SLC28A1: variants seen among roughly 807,000 people sequenced by gnomAD.
SLC28A1 encodes sodium/nucleoside cotransporter 1.
In SLC28A1, 64 loss-of-function variants were observed where a neutral mutation model predicts 74.8. The ratio of observed to expected loss-of-function variants is 0.86; its 90% CI spans 0.70 to 1.05. The LOEUF is 1.05. SLC28A1 is among the 50% of genes least tolerant of loss of function. The pLI is 0.00. For missense variants in SLC28A1, 828 were observed against 822.8 expected (o/e 1.01, Z -0.08); for synonymous variants, 359 against 335.0 (o/e 1.07, Z -0.78).
the SLC28A1 span, among the ~76,000 whole-genome samples, chr15:84,974,297 C>T: frequency 6.6e-6 from 1 of 152,148 alleles, no homozygotes; most frequent in African/African-American, 2.4e-5. Flanking sequence ...ATGTTTGGCT[C>T]CTCAGTTTCC....
At chr15:84,936,859 C>T (rs1004321794) in intron 15 of SLC28A1, among the ~76,000 whole-genome samples, 1 of 152,020 alleles carries the variant, frequency 6.6e-6, no homozygotes, top group African/African-American at 2.4e-5. Context: ...TCAAGACTAG[C>T]CTGGGCAACA....
intron 12 of SLC28A1, chr15:84,926,412 A>C: frequency 3.5e-6 from 1 of 284,390 alleles, no homozygotes; most frequent in Non-Finnish European, 6.8e-6. Context: ...TATGTTGCTC[A>C]GGCTGGTCTT....
intron 12 of SLC28A1, among the ~76,000 whole-genome samples, chr15:84,931,690 A>G (rs1227132736): frequency 6.7e-6 from 1 of 148,664 alleles, no homozygotes; most frequent in Admixed American, 6.8e-5. Flanking sequence ...AAAGAAAAGA[A>G]AGATACCAAA....
chr15:84,911,172 T>A (rs1157292884), intron 9 of SLC28A1, among the ~76,000 whole-genome samples: 1 of 151,828 alleles, frequency 6.6e-6, no homozygotes, highest in African/African-American at 2.4e-5. Flanking sequence ...GCGTCATTGC[T>A]GGGCTTGCCT....
chr15:84,893,405 G>A (rs760369722), intron 5 of SLC28A1, among the ~76,000 whole-genome samples: 19 of 152,304 alleles, frequency 1.2e-4, no homozygotes, highest in East Asian at 3.9e-4. Flanking sequence ...AATGACACCC[G>A]TTCAGGTAGG....
chr15:84,911,095 G>A (rs1000495094), intron 9 of SLC28A1, among the ~76,000 whole-genome samples: 9 of 152,196 alleles, frequency 5.9e-5, no homozygotes, highest in South Asian at 4.1e-4. Flanking sequence ...AGAGGTGCCC[G>A]GCGGGCCACG....
At chr15:84,949,735 A>G (rs917763113), downstream of SLC28A1, among the ~76,000 whole-genome samples, 2 of 152,018 alleles carry the variant, frequency 1.3e-5, no homozygotes, top group East Asian at 3.9e-4. Flanking sequence ...AAGAAGCTAC[A>G]TGCCTGCTTC....
At chr15:84,947,839 G>A (rs1057105450), downstream of SLC28A1, among the ~76,000 whole-genome samples, 2 of 152,228 alleles carry the variant, frequency 1.3e-5, no homozygotes, top group Non-Finnish European at 1.5e-5. Flanking sequence ...GAACTTTGAG[G>A]AGACATGAAC....
At chr15:84,945,854 GT>G (rs1166361268), downstream of SLC28A1, 3 of 153,584 alleles carry the variant, frequency 2.0e-5, no homozygotes, top group Admixed American at 6.3e-5. Context: ...GAGCTTGGTG[GT>G]TTTTTCCACA....
At position 84,891,090 on chromosome 15, in the gene SLC28A1, G is replaced by A. The variant is rs1965321408; in HGVS notation, c.277+556G>A. ...GTAGGGATATGGGAGGATGCTCAAG[G>A]ACTTGGATTTTACCCTCAAGGCCAG... On this transcript the variant is annotated intron_variant, in intron 5 of 18. Transcript: ENST00000394573. 2.0e-5 allele frequency among the ~76,000 whole-genome samples: 3 copies of A among 152,168 alleles called. No individual in the cohort carries two copies. The South Asian group carries it at 6.2e-4, about 31-fold the overall frequency.
rs2079156770 is a variant in SLC28A1 at position 84,945,145 on chromosome 15, C to A, written c.1895C>A (p.Pro632Gln). The change falls in exon 19 of 19, where the codon CCA becomes CAA. Residue 632 changes from proline (P) to glutamine (Q), a missense_variant. Pro to Gln is a moderately conservative substitution (Grantham distance 76, BLOSUM62 -1). Coordinates refer to ENST00000394573, the MANE Select transcript of SLC28A1 (RefSeq NM_004213.5). ...TTTAGCGTCAATCCAGAGTTCAGCC[C>A]AGAGGCCCTGGACAACTGCTGTCGG... ...AFQSVNPEFS[P>Q]EALDNCCRFY... 1 of 1,614,080 alleles carries A rather than the reference C, an allele frequency of 6.2e-7. No homozygotes were observed. The highest frequency in any genetic ancestry group is 1.3e-5 in the African/African-American group (1 of 75,010).
At chr15:84,900,850 G>T (rs1034529658) in intron 6 of SLC28A1, among the ~76,000 whole-genome samples, 2 of 149,950 alleles carry the variant, frequency 1.3e-5, no homozygotes, top group Non-Finnish European at 3.0e-5. Context: ...GAAGGGGAAA[G>T]GGAAGGGGAA....
At chr15:84,919,266 T>C (rs1478953077) in intron 10 of SLC28A1, among the ~76,000 whole-genome samples, 9 of 152,210 alleles carry the variant, frequency 5.9e-5, no homozygotes, top group African/African-American at 9.6e-5. Flanking sequence ...AACTAGGATG[T>C]AGGAGATAGC....
At chr15:84,905,478 C>T (rs1966943309) in intron 7 of SLC28A1, 61 bp from the exon 8 acceptor site, 1 of 1,200,888 alleles carries the variant, frequency 8.3e-7, no homozygotes, top group Non-Finnish European at 1.2e-6. Context: ...CTCACCCCCA[C>T]CCGGCTCCCT....
chr15:84,975,381 T>C, the SLC28A1 span: 2 of 411,828 alleles, frequency 4.9e-6, no homozygotes, highest in Non-Finnish European at 1.0e-5. Flanking sequence ...AGTTTCTAAC[T>C]CATGTCTTAT....
chr15:84,938,158 C>CCATTGTA lies in SLC28A1; in HGVS notation c.1581+2642_1581+2648dup, dbSNP rs530393104. 1.0e-4 allele frequency among the ~76,000 whole-genome samples: 15 copies of CCATTGTA among 150,362 alleles called. 1 individual carries two copies. In the South Asian group the frequency reaches 2.5e-3, roughly 25 times the overall value. ...GAGGTTGCAGTGAGCCAAGATTACA[C>CCATTGTA]CATTGTACTCCAGCCTGGGCAACAA... On this transcript the variant is annotated intron_variant, in intron 15 of 18. Transcript: ENST00000394573.
the SLC28A1 span, among the ~76,000 whole-genome samples, chr15:84,954,480 T>G: frequency 6.6e-6 from 1 of 152,256 alleles, no homozygotes; most frequent in Admixed American, 6.5e-5. Context: ...TTCTGAATGC[T>G]TATTGTGAGA....
intron 6 of SLC28A1, 108 bp from the exon 7 acceptor site, chr15:84,903,989 C>A: frequency 6.8e-7 from 1 of 1,462,690 alleles, no homozygotes; most frequent in Non-Finnish European, 9.5e-7. Context: ...GCTGTTTCTC[C>A]TCCTCCCAGC....
the SLC28A1 span, among the ~76,000 whole-genome samples, chr15:84,965,783 C>T: frequency 6.6e-6 from 1 of 152,128 alleles, no homozygotes; most frequent in African/African-American, 2.4e-5. Context: ...CATTCTCCAT[C>T]CCTTCCTCTT....
Sources: allele counts gnomAD v4.1 joint callset (sites outside exome capture counted in the v4.1 genomes callset), GRCh38; gene constraint gnomAD v4.1.1; transcripts MANE v1.5; gene names NCBI Gene and HGNC (gene_info 2026-07-23, HGNC 2026-07-21).